MARK4: variants seen among roughly 807,000 people sequenced by gnomAD.
MARK4 encodes the protein microtubule affinity regulating kinase 4.
Under a neutral mutation model 81.5 loss-of-function variants are expected in MARK4, and 19 were observed. The ratio of observed to expected loss-of-function variants is 0.23; its 90% CI spans 0.16 to 0.34. The LOEUF is 0.34. Among genes scored for constraint, MARK4 ranks in the 10% least tolerant of loss-of-function variants. The pLI, the probability that MARK4 is intolerant of heterozygous loss-of-function variation, is 1.00. For missense variants in MARK4, 772 were observed against 1,058.8 expected (o/e 0.73, Z 3.76); for synonymous variants, 436 against 439.0 (o/e 0.99, Z 0.08).
At chr19:45,258,044 A>G (rs1463384404) in intron 1 of MARK4, among the ~76,000 whole-genome samples, 1 of 139,602 alleles carries the variant, frequency 7.2e-6, no homozygotes, top group Non-Finnish European at 1.5e-5. Flanking sequence ...AGAGTGCAGT[A>G]GAGCGATCTC....
intron 15 of MARK4, among the ~76,000 whole-genome samples, chr19:45,299,113 G>T (rs935756616): frequency 6.6e-6 from 1 of 151,414 alleles, no homozygotes; most frequent in Non-Finnish European, 1.5e-5. Context: ...GGGAATAAGG[G>T]GTGTGGGGAA....
chr19:45,294,980 G>A (rs1036835275), intron 14 of MARK4, among the ~76,000 whole-genome samples: 1 of 152,144 alleles, frequency 6.6e-6, no homozygotes, highest in Admixed American at 6.6e-5. Context: ...CAACACCAGG[G>A]CACACTCTGG....
chr19:45,285,861 C>T (rs564270623), intron 12 of MARK4, among the ~76,000 whole-genome samples: 1 of 152,268 alleles, frequency 6.6e-6, no homozygotes, highest in South Asian at 2.1e-4. Flanking sequence ...TTTTCACCCC[C>T]GGGTTCTAAA....
chr19:45,254,836 A>G (rs568752246), intron 1 of MARK4, among the ~76,000 whole-genome samples: 1 of 152,306 alleles, frequency 6.6e-6, no homozygotes, highest in African/African-American at 2.4e-5. Flanking sequence ...TCCCTGGGCT[A>G]CTGCAGGAAT....
chr19:45,302,473 G>T lies in MARK4; in HGVS notation c.2022G>T (p.Met674Ile), dbSNP rs1051047141. ...GCTCGCGCCCTCCTGAGGCCCTGAT[G>T]GCAGCTCTGCGCCAGGCCACAGCAG... ...LTSSRPPEALMAALRQATAAA... is the reference protein window; with the variant it reads ...LTSSRPPEALIAALRQATAAA... Residue 674 changes from methionine to isoleucine, a missense_variant, in exon 17 of 17, where the codon ATG (methionine) becomes ATT (isoleucine). By Grantham distance (10) the Met-to-Ile change is conservative. Around this residue, in one of 3 missense-constraint regions of MARK4, gnomAD observed 548 missense variants for 624.3 expected, o/e 0.88. Transcript: ENST00000262891. This position sits in a 1 kb window ranked among gnomAD's most constrained non-coding sequence, Gnocchi z 4.9. 7.4e-6 allele frequency: 12 copies of T among 1,612,158 alleles called. No homozygotes were observed. In the African/African-American group the frequency reaches 1.6e-4, roughly 22 times the overall value.
At chr19:45,294,705 T>C (rs1970864215) in intron 14 of MARK4, among the ~76,000 whole-genome samples, 1 of 152,188 alleles carries the variant, frequency 6.6e-6, no homozygotes, top group African/African-American at 2.4e-5. Context: ...CCTGAATTGA[T>C]TTTTTGAATG....
At chr19:45,278,660 G>C (rs757233196) in intron 10 of MARK4, 45 bp downstream of exon 10, 14 of 1,446,120 alleles carry the variant, frequency 9.7e-6, no homozygotes, top group Non-Finnish European at 8.7e-6. Flanking sequence ...ATGGAGTGCA[G>C]TGGTGCAATC....
intron 10 of MARK4, among the ~76,000 whole-genome samples, chr19:45,279,345 C>T (rs912746422): frequency 3.9e-5 from 6 of 152,130 alleles, no homozygotes; most frequent in African/African-American, 1.2e-4. Flanking sequence ...GATGAAACCT[C>T]GTCTCTACTA....
Position 45,302,398 on chromosome 19 carries a change from G to A in MARK4, c.1947G>A (p.Thr649=), listed in dbSNP as rs1479626984. 1.2e-6 allele frequency: 2 copies of A among 1,614,096 alleles called. No homozygotes were observed. Among genetic ancestry groups the A allele is most frequent in the Middle Eastern group, 1.6e-4 (1 of 6,062 alleles). ...GTTGCCATCTACCTTGGGATCAAAC[G>A]GAAACCGCCCCCCGGCTGCTCCGAT... is the stretch of plus-strand genomic sequence containing the variant. ...VTSCHLPWDQ[T]ETAPRLLRFP... The change falls in exon 17 of 17, where the codon ACG becomes ACA. Residue 649 remains threonine (T), a synonymous_variant. Transcript: ENST00000262891. This position sits in a 1 kb window ranked among gnomAD's most constrained non-coding sequence, Gnocchi z 4.9.
At chr19:45,290,816 T>C (rs1253681581) in intron 13 of MARK4, among the ~76,000 whole-genome samples, 1 of 152,070 alleles carries the variant, frequency 6.6e-6, no homozygotes, top group African/African-American at 2.4e-5. Flanking sequence ...CTAGTCCAGG[T>C]TCAGGGCCCT....
chr19:45,286,996 T>A (rs982961190), intron 12 of MARK4, among the ~76,000 whole-genome samples: 1 of 152,084 alleles, frequency 6.6e-6, no homozygotes, highest in Non-Finnish European at 1.5e-5. Flanking sequence ...GGAAATACCT[T>A]GACTTATCTA....
chr19:45,284,936 T>C (rs1448922076), intron 12 of MARK4, among the ~76,000 whole-genome samples: 1 of 151,798 alleles, frequency 6.6e-6, no homozygotes, highest in African/African-American at 2.4e-5. Context: ...ACTAAAAATA[T>C]CAAAATTAGC....
At chr19:45,291,693 A>G (rs1970822781) in intron 13 of MARK4, among the ~76,000 whole-genome samples, 1 of 151,776 alleles carries the variant, frequency 6.6e-6, no homozygotes, top group Non-Finnish European at 1.5e-5. Flanking sequence ...GAGGCAGGAG[A>G]ATGGCATGAA....
intron 12 of MARK4, among the ~76,000 whole-genome samples, chr19:45,287,202 C>CAAAA (rs139216602): frequency 1.5e-5 from 1 of 65,504 alleles, no homozygotes; most frequent in Non-Finnish European, 3.2e-5. Flanking sequence ...GACTTTGTCT[C>CAAAA]AAAAAAAAAA....
intron 13 of MARK4, among the ~76,000 whole-genome samples, chr19:45,290,148 G>A (rs965494407): frequency 6.6e-6 from 1 of 152,232 alleles, no homozygotes; most frequent in African/African-American, 2.4e-5. Flanking sequence ...TTTCTCGTAC[G>A]TTCTTGAGAA....
rs991460032 is a variant in MARK4, at chr19:45,278,554, G to C, written c.945G>C (p.Glu315Asp). ...MKDKWINIGY[E>D]GEELKPYTEP... ...ACAAATGGATCAACATCGGCTATGA[G>C]GGTGAGGAGTTGAAGCCATACACAG... Residue 315 changes from glutamate (E) to aspartate (D), a missense_variant, in exon 10 of 17, where the codon GAG becomes GAC. Transcript: ENST00000262891. 1 of 1,614,050 alleles carries C rather than the reference G, an allele frequency of 6.2e-7. No individual in the cohort carries two copies.
intron 2 of MARK4, among the ~76,000 whole-genome samples, chr19:45,259,498 A>G (rs1390410415): frequency 6.6e-6 from 1 of 152,222 alleles, no homozygotes; most frequent in Non-Finnish European, 1.5e-5. Flanking sequence ...GCATTGGCTC[A>G]CACGTGTAAT....
intron 1 of MARK4, among the ~76,000 whole-genome samples, chr19:45,252,566 A>G (rs767908109): frequency 4.5e-5 from 5 of 112,078 alleles, no homozygotes; most frequent in Non-Finnish European, 7.4e-5. Context: ...CTCCTGCCCC[A>G]GGGCCTCCCC....
chr19:45,278,613 T>C lies in MARK4; in HGVS notation c.1004T>C (p.Ile335Thr). The C allele has an allele frequency of 6.2e-7, 1 of 1,612,028 alleles. No homozygotes were observed. The change falls in exon 10 of 17, where the codon ATT (isoleucine) becomes ACT (threonine). Residue 335 changes from isoleucine (I) to threonine (T), a missense_variant and splice_region_variant. By Grantham distance (89) the Ile-to-Thr change is moderately conservative. Around this residue, in one of 3 missense-constraint regions of MARK4, gnomAD observed 548 missense variants for 624.3 expected, o/e 0.88. Coordinates refer to ENST00000262891, the MANE Select transcript of MARK4 (RefSeq NM_001199867.2). ...GAGGACTTCGGGGACACCAAGAGAA[T>C]TGGTGAGGGTCAGGGAGAGCCATCC... ...PEEDFGDTKR[I>T]EVMVGMGYTR...
Sources: gnomAD v4.1 joint callset for allele counts (sites outside exome capture counted in the v4.1 genomes callset) on GRCh38, gnomAD v4.1.1 for gene constraint, gnomAD v4.1.1 regional missense constraint, Gnocchi (gnomAD v3.1) non-coding constraint, MANE v1.5 for transcripts, NCBI Gene and HGNC (gene_info 2026-07-23, HGNC 2026-07-21) for gene names.